FCGRT: variants seen among roughly 807,000 people sequenced by gnomAD.
The protein encoded by FCGRT is IgG receptor FcRn large subunit p51.
A neutral mutation model predicts 35.7 loss-of-function variants in FCGRT; 13 were observed. That is an observed-to-expected ratio of 0.36 (90% CI 0.24 to 0.58). The LOEUF is 0.58. Among genes scored for constraint, FCGRT ranks in the 20% least tolerant of loss-of-function variants. The pLI, the probability that FCGRT is intolerant of heterozygous loss-of-function variation, is 0.77. For synonymous variants in FCGRT, 233 were observed against 216.5 expected (o/e 1.08, Z -0.67); for missense variants, 455 against 474.9 (o/e 0.96, Z 0.39).
At chr19:49,521,131 G>A (rs1444049076) in intron 4 of FCGRT, 2 of 152,166 alleles carry the variant, frequency 1.3e-5, no homozygotes, top group Non-Finnish European at 2.9e-5. Context: ...CAGTCATAGC[G>A]CCATGTAGCC....
At chr19:49,521,665 G>A (rs1045895277) in intron 4 of FCGRT, 3 of 149,154 alleles carry the variant, frequency 2.0e-5, no homozygotes, top group African/African-American at 7.4e-5. Context: ...CATTGCACCC[G>A]GCTTTTTTTT....
intron 4 of FCGRT, among the ~76,000 whole-genome samples, chr19:49,522,204 C>G (rs952180804): frequency 6.6e-6 from 1 of 151,344 alleles, no homozygotes; most frequent in Non-Finnish European, 1.5e-5. Context: ...GCCTCAGTCT[C>G]CAGAGTAGGT....
chr19:49,521,166 C>T (rs1034758450), intron 4 of FCGRT: 4 of 152,236 alleles, frequency 2.6e-5, no homozygotes, highest in African/African-American at 7.2e-5. Context: ...TCAAGAGATC[C>T]TCCCGCCTCA....
At chr19:49,523,851 T>G (rs1266239277) in intron 4 of FCGRT, among the ~76,000 whole-genome samples, 1 of 144,146 alleles carries the variant, frequency 6.9e-6, no homozygotes, top group African/African-American at 2.6e-5. Flanking sequence ...CAGAGCAAGA[T>G]TCCATCTCAA....
At chr19:49,516,248 C>G (rs192053369) in intron 4 of FCGRT, 45 of 424,098 alleles carry the variant, frequency 1.1e-4, no homozygotes, top group African/African-American at 6.8e-4. Flanking sequence ...GGGAAAATTT[C>G]TTTCTTTTTT....
intron 1 of FCGRT, chr19:49,513,175 T>C: frequency 2.8e-6 from 1 of 356,676 alleles, no homozygotes; most frequent in Non-Finnish European, 5.0e-6. Flanking sequence ...GGGCCGGGAC[T>C]CTCAGCCTAT....
chr19:49,517,065 C>A (rs1164710112), intron 4 of FCGRT, among the ~76,000 whole-genome samples: 1 of 151,996 alleles, frequency 6.6e-6, no homozygotes, highest in Non-Finnish European at 1.5e-5. Flanking sequence ...GTGGTATGTG[C>A]CTCTAGTCCC....
chr19:49,520,383 T>C (rs1192982319), intron 4 of FCGRT, among the ~76,000 whole-genome samples: 3 of 149,494 alleles, frequency 2.0e-5, no homozygotes, highest in Admixed American at 6.8e-5. Context: ...TTCACTCTTA[T>C]TGCGCAGGCT....
rs1169373339 is a variant in FCGRT at position 49,523,504 on chromosome 19, GT to G, written c.602-1001del. Among the ~76,000 whole-genome samples, 4 of 152,138 alleles carry G rather than the reference GT, an allele frequency of 2.6e-5. No homozygotes were observed. In the East Asian group the frequency reaches 7.7e-4, roughly 29 times the overall value. On this transcript the variant is annotated intron_variant, in intron 4 of 6. Transcript: ENST00000221466. ...AAACTCTTGAACCCAGGAAGTGGGG[GT>G]TGCAGTGAGTCGAGATCGTGCCACT... is the stretch of plus-strand genomic sequence containing the variant.
chr19:49,518,968 G>A (rs1381655863), intron 4 of FCGRT, among the ~76,000 whole-genome samples: 5 of 150,144 alleles, frequency 3.3e-5, no homozygotes, highest in Admixed American at 6.6e-5. Flanking sequence ...TCAGCCTCCC[G>A]AGTGGCTGGG....
chr19:49,524,412 A>G, intron 4 of FCGRT, 95 bp from the exon 5 acceptor site: 1 of 1,332,998 alleles, frequency 7.5e-7, no homozygotes, highest in Non-Finnish European at 1.0e-6. Context: ...CGGTTAGCAC[A>G]GTGCAAACAT....
rs141637176 is a variant in FCGRT, at chr19:49,524,628, C to T, written c.723C>T (p.Ala241=). The change falls in exon 5 of 7, where the codon GCC becomes GCT. Residue 241 remains alanine (A), a synonymous_variant. Coordinates refer to ENST00000221466, the MANE Select transcript of FCGRT (RefSeq NM_001136019.3). ...LQLRFLRNGL[A]AGTGQGDFGP... ...TTCGGTTCCTGCGGAATGGGCTGGC[C>T]GCTGGCACCGGCCAGGGTGACTTCG... 1.2e-5 allele frequency: 20 copies of T among 1,609,852 alleles called. No homozygotes were observed. The East Asian group carries it at 2.2e-4, about 18-fold the overall frequency.
rs540087368 is a variant in FCGRT at position 49,519,800 on chromosome 19, C to T, written c.602-4707C>T. 1.6e-4 allele frequency among the ~76,000 whole-genome samples: 24 copies of T among 146,934 alleles called. 2 individuals are homozygous for T. The South Asian group carries it at 5.3e-3, about 32-fold the overall frequency. ...TCAGGTTTTCTCCTGATGGTTTTAGCGGATAGCAATGGCCATTGCCTTAAT... is the reference window on the plus strand; with the variant it reads ...TCAGGTTTTCTCCTGATGGTTTTAGTGGATAGCAATGGCCATTGCCTTAAT... On this transcript the variant is annotated intron_variant, in intron 4 of 6. Transcript: ENST00000221466.
rs772674361 is a variant in FCGRT, at chr19:49,526,126, G to C, written c.*7G>C. 6.3e-7 allele frequency: 1 copy of C among 1,581,060 alleles called. No individual in the cohort carries two copies. The highest frequency in any genetic ancestry group is 8.7e-7 in the Non-Finnish European group (1 of 1,150,160). Reference sequence around the variant, plus strand: ...GATTCCAGCCACCGCCTGACCATCCGCCATTCCGACTGCTAAAAGCGAATG... The same window carrying C: ...GATTCCAGCCACCGCCTGACCATCCCCCATTCCGACTGCTAAAAGCGAATG... On this transcript the variant is annotated 3_prime_UTR_variant, in exon 7 of 7. Transcript: ENST00000221466.
At chr19:49,514,566 CTCCA>C in intron 4 of FCGRT, 80 bp downstream of exon 4, 1 of 1,330,190 alleles carries the variant, frequency 7.5e-7, no homozygotes, top group South Asian at 1.5e-5. Context: ...TGCCAGGACC[CTCCA>C]TCAGCCTCCC....
intron 4 of FCGRT, among the ~76,000 whole-genome samples, chr19:49,522,770 C>CTTTTTTTTT (rs746958247): frequency 3.0e-5 from 2 of 66,626 alleles, no homozygotes; most frequent in African/African-American, 6.5e-5. Flanking sequence ...CTTAAGCTCT[C>CTTTTTTTTT]TTTTTTTTTT....
chr19:49,526,191 C>T lies in FCGRT; in HGVS notation c.*72C>T. 1 of 984,738 alleles carries T rather than the reference C, an allele frequency of 1.0e-6. No homozygotes were observed. Among genetic ancestry groups the T allele is most frequent in the Non-Finnish European group, 1.6e-6 (1 of 619,184 alleles). 61.0% of individuals were successfully genotyped at this position (984,738 alleles called of 1,614,324 possible). A position where few individuals can be genotyped will look rare whatever the true frequency, so the allele number is the denominator to read the frequency against. The stretch of plus-strand genomic sequence containing the variant: ...TCATGCTGTGAGACCTCCTGGAACA[C>T]TGGCATCTCTGAGCCTCCAGAAGGG... On this transcript the variant is annotated 3_prime_UTR_variant, in exon 7 of 7. Coordinates refer to ENST00000221466, the MANE Select transcript of FCGRT (RefSeq NM_001136019.3).
intron 4 of FCGRT, among the ~76,000 whole-genome samples, chr19:49,518,443 G>A (rs941338600): frequency 1.4e-5 from 2 of 148,070 alleles, no homozygotes; most frequent in South Asian, 4.2e-4. Flanking sequence ...ATAGCTCACT[G>A]CAGTCTGAAC....
chr19:49,524,509 C>A lies in FCGRT; in HGVS notation c.604C>A (p.Pro202Thr). The part of the protein sequence containing the change: ...RGRGNLEWKE[P>T]PSMRLKARPS... ...CCTGTCTGCCTGATTTCCTGCAGAG[C>A]CCCCCTCCATGCGCCTGAAGGCCCG... The change falls in exon 5 of 7, where the codon CCC becomes ACC. Residue 202 changes from proline to threonine, a missense_variant and splice_region_variant. Around this residue, in one of 3 missense-constraint regions of FCGRT, gnomAD observed 312 missense variants for 296.1 expected, o/e 1.05. Transcript: ENST00000221466. 6.2e-7 allele frequency: 1 copy of A among 1,605,100 alleles called. No individual in the cohort carries two copies. Among genetic ancestry groups the A allele is most frequent in the Non-Finnish European group, 8.5e-7 (1 of 1,173,522 alleles).
Sources: allele counts gnomAD v4.1 joint callset (sites outside exome capture counted in the v4.1 genomes callset), GRCh38; gene constraint gnomAD v4.1.1; regional missense constraint gnomAD v4.1.1; transcripts MANE v1.5; gene names NCBI Gene and HGNC (gene_info 2026-07-23, HGNC 2026-07-21).